Variants in TTN observed in about 807,000 individuals in gnomAD.
The protein encoded by TTN is connectin.
TTN carries 1,525 observed loss-of-function variants against 3,223.0 expected under a neutral mutation model. The observed-to-expected ratio is 0.47, with a 90% CI of 0.45 to 0.49. The LOEUF (loss-of-function observed/expected upper bound fraction) is 0.49. Ranked by LOEUF, TTN falls within the 20% of genes least tolerant of loss-of-function variation. The probability of loss-of-function intolerance (pLI) is 0.00; values close to 1 mark genes in which losing one functional copy is unlikely to be tolerated. For missense variants in TTN, 40,786 were observed against 43,424.0 expected (o/e 0.94, Z 5.40); for synonymous variants, 14,094 against 15,161.0 (o/e 0.93, Z 5.17).
At position 178,531,432 on chromosome 2, in the gene TTN, C is replaced by T. The variant is rs371075036; in HGVS notation, c.105183G>A (p.Ala35061=). Residue 35061 remains alanine (A), a synonymous_variant, in exon 358 of 363, where the codon GCG becomes GCA. Coordinates refer to ENST00000589042, the MANE Select transcript of TTN (RefSeq NM_001267550.2). ...TTTTCTTAAATGATGAAACAGCATA[C>T]GCCTCTGTTCTTGTCAGCTCAGGGA... The part of the protein sequence containing the change: ...SVFPELTRTE[A]YAVSSFKKTS... The T allele has an allele frequency of 3.1e-4, 504 of 1,613,964 alleles. No individual in the cohort carries two copies. In the African/African-American group the frequency reaches 3.4e-3, roughly 11 times the overall value.
rs200489972 is a variant in TTN at position 178,709,854 on chromosome 2, G to A, written c.28465C>T (p.Arg9489Trp). ...TTAGTGAAACTTGGTGGGATGAGCC[G>A]CTCTATAAGAAATTGCAAGGATATA... ...SCTAQLNIKE[R>W]LIPPSFTKRL... The change falls in exon 99 of 363, where the codon CGG becomes TGG. Residue 9489 changes from arginine (R) to tryptophan (W), a missense_variant and splice_region_variant. Physicochemically the swap from Arg to Trp is moderately radical, Grantham distance 101 (BLOSUM62 -3). Transcript: ENST00000589042. 6.0e-5 allele frequency: 96 copies of A among 1,607,306 alleles called. No individual in the cohort carries two copies. Among genetic ancestry groups the A allele is most frequent in the South Asian group, 2.1e-4 (19 of 90,606 alleles).
At position 178,777,435 on chromosome 2, in the gene TTN, T is replaced by C. The variant is rs72647877; in HGVS notation, c.4630A>G (p.Ile1544Val). ...NRAGRSSISV[I>V]LTVEAVEHQV... The stretch of plus-strand genomic sequence containing the variant: ...CTCATTTTACCTTCCACAGTTAAAA[T>C]CACTGAAATTGAAGATCTGCCTGCC... Residue 1544 changes from isoleucine (I) to valine (V), a missense_variant, in exon 26 of 363, where the codon ATT becomes GTT. By Grantham distance (29) the Ile-to-Val change is conservative. Transcript: ENST00000589042. 5,572 of 1,613,760 alleles carry C rather than the reference T, an allele frequency of 3.5e-3. 77 individuals are homozygous for C. In the African/African-American group the frequency reaches 0.037, roughly 11 times the overall value.
chr2:178,614,195 A>C lies in TTN; in HGVS notation c.49202T>G (p.Leu16401Arg). The change falls in exon 262 of 363, where the codon CTC (leucine) becomes CGC (arginine). Residue 16401 changes from leucine to arginine, a missense_variant. Coordinates refer to ENST00000589042, the MANE Select transcript of TTN (RefSeq NM_001267550.2). ...RATDSEVWHK[L>R]SSTVKDTNFK... is the part of the protein sequence containing the mutation. ...GTTTGTATCCTTGACGGTGGATGAG[A>C]GCTTGTGCCACACTTCACTATCAGT... 1 of 1,612,412 alleles carries C rather than the reference A, an allele frequency of 6.2e-7. No homozygotes were observed. The highest frequency in any genetic ancestry group is 8.5e-7 in the Non-Finnish European group (1 of 1,179,188).
chr2:178,611,630 T>C lies in TTN; in HGVS notation c.50599A>G (p.Lys16867Glu). 1 of 1,613,072 alleles carries C rather than the reference T, an allele frequency of 6.2e-7. No individual in the cohort carries two copies. Among genetic ancestry groups the C allele is most frequent in the Non-Finnish European group, 8.5e-7 (1 of 1,179,356 alleles). The change falls in exon 269 of 363, where the codon AAA (lysine) becomes GAA (glutamate). Residue 16867 changes from lysine to glutamate, a missense_variant. Transcript: ENST00000589042. ...LDLHVTDAGR[K>E]HIAIAWKPPE... is the part of the protein sequence containing the mutation. ...GGCTTCCAAGCAATGGCAATGTGTT[T>C]TCTCCCAGCATCAGTCACATGTAGG...
At chr2:178,683,141 G>A (rs1219363124) in intron 134 of TTN, 70 bp downstream of exon 134, 2 of 1,120,104 alleles carry the variant, frequency 1.8e-6, no homozygotes, top group Non-Finnish European at 2.7e-6. Context: ...ATAGGAGTCA[G>A]ATTGGGAACT....
chr2:178,640,504 T>C, intron 221 of TTN, 37 bp downstream of exon 221: 1 of 1,564,834 alleles, frequency 6.4e-7, no homozygotes, highest in Non-Finnish European at 8.8e-7. Context: ...CATATTTGCA[T>C]TTTTAGAGAC....
chr2:178,573,620 G>A lies in TTN; in HGVS notation c.72512C>T (p.Thr24171Ile), dbSNP rs1365291247. 2.0e-6 allele frequency: 3 copies of A among 1,499,446 alleles called. No individual in the cohort carries two copies. Among genetic ancestry groups the A allele is most frequent in the Non-Finnish European group, 2.7e-6 (3 of 1,126,774 alleles). 92.9% of individuals were successfully genotyped at this position (1,499,446 alleles called of 1,614,324 possible). A position where few individuals can be genotyped will look rare whatever the true frequency, so the allele number is the denominator to read the frequency against. The change falls in exon 326 of 363, where the codon ACA (threonine) becomes ATA (isoleucine). Residue 24171 changes from threonine to isoleucine, a missense_variant. Physicochemically the swap from Thr to Ile is moderately conservative, Grantham distance 89. Transcript: ENST00000589042. ...QKRETSRLAW[T>I]NVASEVQVTK... ...TACTTGGACTTCTGAGGCTACATTT[G>A]TCCATGCCAATCTGCTGGTTTCACG...
chr2:178,561,782 A>G lies in TTN; in HGVS notation c.84350T>C (p.Val28117Ala). The part of the protein sequence containing the change: ...QAVARTSIKI[V>A]RLTTGSEYQF... Reference sequence around the variant, plus strand: ...ATACTCACTTCCTGTTGTCAGGCGAACTATTTTAATGGATGTTCTTGCAAC... The same window carrying G: ...ATACTCACTTCCTGTTGTCAGGCGAGCTATTTTAATGGATGTTCTTGCAAC... The change falls in exon 326 of 363, where the codon GTT becomes GCT. Residue 28117 changes from valine (V) to alanine (A), a missense_variant. Physicochemically the swap from Val to Ala is moderately conservative, Grantham distance 64. Coordinates refer to ENST00000589042, the MANE Select transcript of TTN (RefSeq NM_001267550.2). The G allele has an allele frequency of 6.2e-7, 1 of 1,613,648 alleles. No individual in the cohort carries two copies. Among genetic ancestry groups the G allele is most frequent in the Non-Finnish European group, 8.5e-7 (1 of 1,179,738 alleles).
chr2:178,630,814 A>G lies in TTN; in HGVS notation c.44144T>C (p.Leu14715Pro). Residue 14715 changes from leucine (L) to proline (P), a missense_variant, in exon 238 of 363, where the codon CTC becomes CCC. Transcript: ENST00000589042. ...ANWKLKGEALLQTPDCEIKEE... is the reference protein window; with the variant it reads ...ANWKLKGEALPQTPDCEIKEE... Reference sequence around the variant, plus strand: ...CAGAAATAGCCTTACAGGTGTTTGGAGTAGGGCCTCTCCCTTGAGTTTCCA... The same window carrying G: ...CAGAAATAGCCTTACAGGTGTTTGGGGTAGGGCCTCTCCCTTGAGTTTCCA... 1.2e-6 allele frequency: 2 copies of G among 1,612,762 alleles called. No individual in the cohort carries two copies. Among genetic ancestry groups the G allele is most frequent in the Non-Finnish European group, 1.7e-6 (2 of 1,179,230 alleles).
At position 178,562,483 on chromosome 2, in the gene TTN, C is replaced by T. The variant is rs878854337; in HGVS notation, c.83649G>A (p.Lys27883=). Residue 27883 remains lysine, a synonymous_variant, in exon 326 of 363, where the codon AAG becomes AAA. Coordinates refer to ENST00000589042, the MANE Select transcript of TTN (RefSeq NM_001267550.2). ...VDVTRNTATI[K]WEKPESDGGS... is the part of the protein sequence containing the mutation. Reference sequence around the variant, plus strand: ...CACCATCACTTTCTGGTTTCTCCCACTTAATTGTAGCTGTATTACGGGTCA... The same window carrying T: ...CACCATCACTTTCTGGTTTCTCCCATTTAATTGTAGCTGTATTACGGGTCA... The T allele has an allele frequency of 6.2e-7, 1 of 1,613,344 alleles. No individual in the cohort carries two copies. The highest frequency in any genetic ancestry group is 8.5e-7 in the Non-Finnish European group (1 of 1,179,620).
chr2:178,534,358 C>G lies in TTN; in HGVS notation c.102257G>C (p.Arg34086Thr), dbSNP rs569650065. The change falls in exon 358 of 363, where the codon AGA (arginine) becomes ACA (threonine). Residue 34086 changes from arginine (R) to threonine (T), a missense_variant. Arg to Thr is a moderately conservative substitution (Grantham distance 71). Transcript: ENST00000589042. ...KIERVSTKVI[R>T]TLKHRRYYHT... ...GTAATAACGCCGGTGTTTTAATGTT[C>G]TGATAACTTTAGTACTGACTCTTTC... The G allele has an allele frequency of 5.0e-6, 8 of 1,611,726 alleles. No homozygotes were observed. In the African/African-American group the frequency reaches 9.3e-5, roughly 19 times the overall value.
chr2:178,738,616 T>C (rs1414001239), intron 48 of TTN, among the ~76,000 whole-genome samples: 6 of 152,170 alleles, frequency 3.9e-5, no homozygotes, highest in Non-Finnish European at 7.3e-5. Context: ...GCTATTGGAT[T>C]ATATGCATAA....
rs1296652744 is a variant in TTN, at chr2:178,770,426, C to T, written c.8366G>A (p.Arg2789Lys). Residue 2789 changes from arginine to lysine, a missense_variant, in exon 35 of 363, where the codon AGA (arginine) becomes AAA (lysine). Arg to Lys is a conservative substitution (Grantham distance 26). Transcript: ENST00000589042. Reference sequence around the variant, plus strand: ...AATCAACTTACTCTCCACGTGCAGTCTGGCACTGGCTCCAAGCCTTCCAAG... The same window carrying T: ...AATCAACTTACTCTCCACGTGCAGTTTGGCACTGGCTCCAAGCCTTCCAAG... ...FRLGRLGASARLHVETVKIIK... is the reference protein window; with the variant it reads ...FRLGRLGASAKLHVETVKIIK... The T allele has an allele frequency of 3.1e-6, 5 of 1,614,186 alleles. No homozygotes were observed. The highest frequency in any genetic ancestry group is 4.2e-6 in the Non-Finnish European group (5 of 1,180,024).
At position 178,741,187 on chromosome 2, in the gene TTN, T is replaced by C. The variant is rs908523887; in HGVS notation, c.12046A>G (p.Met4016Val). 4 of 1,613,398 alleles carry C rather than the reference T, an allele frequency of 2.5e-6. No individual in the cohort carries two copies. In the South Asian group the frequency reaches 4.4e-5, roughly 18 times the overall value. ...SGLYICKAEN[M>V]LGESTCAAEL... The stretch of plus-strand genomic sequence containing the variant: ...GCTGCACAGGTGGACTCACCCAACA[T>C]ATTCTCTGCTTTACAGATATAGAGG... Residue 4016 changes from methionine (M) to valine (V), a missense_variant, in exon 48 of 363, where the codon ATG becomes GTG. Physicochemically the swap from Met to Val is conservative, Grantham distance 21. Coordinates refer to ENST00000589042, the MANE Select transcript of TTN (RefSeq NM_001267550.2).
chr2:178,799,480 G>C lies in TTN; in HGVS notation c.914+7C>G, dbSNP rs1289371890. 3 of 1,614,130 alleles carry C rather than the reference G, an allele frequency of 1.9e-6. No homozygotes were observed. The highest frequency in any genetic ancestry group is 2.5e-6 in the Non-Finnish European group (3 of 1,180,018). On this transcript the variant is annotated splice_region_variant and intron_variant, in intron 6 of 362. Transcript: ENST00000589042. ...GCAATAATCTGCTCTCTCTATGGCA[G>C]CTTTACCTGACCGGAGATGGGGTCG...
In TTN at chr2:178,565,065, C is replaced by A. The variant is rs2154163928; in HGVS notation, c.81067G>T (p.Val27023Leu). 6.2e-7 allele frequency: 1 copy of A among 1,613,628 alleles called. No homozygotes were observed. Among genetic ancestry groups the A allele is most frequent in the East Asian group, 2.2e-5 (1 of 44,842 alleles). The change falls in exon 326 of 363, where the codon GTA (valine) becomes TTA (leucine). Residue 27023 changes from valine (V) to leucine (L), a missense_variant. Coordinates refer to ENST00000589042, the MANE Select transcript of TTN (RefSeq NM_001267550.2). Reference protein sequence around the residue: ...RDTTTTTWHMVSATVARTTIK... With the variant: ...RDTTTTTWHMLSATVARTTIK... Reference sequence around the variant, plus strand: ...GTTGTTCTTGCAACTGTTGCTGATACCATGTGCCAAGTGGTGGTGGTTGTA... The same window carrying A: ...GTTGTTCTTGCAACTGTTGCTGATAACATGTGCCAAGTGGTGGTGGTTGTA...
intron 150 of TTN, 91 bp from the exon 151 acceptor site, chr2:178,674,500 G>A (rs1329495991): frequency 4.0e-5 from 30 of 748,860 alleles, no homozygotes; most frequent in Admixed American, 3.1e-5. Context: ...CTCAGCCTTC[G>A]AAACGCTTGT....
intron 180 of TTN, among the ~76,000 whole-genome samples, chr2:178,660,784 C>T (rs1369635869): frequency 1.4e-4 from 22 of 152,340 alleles, no homozygotes; most frequent in East Asian, 5.8e-4. Context: ...ACTCATCTGA[C>T]GAAGGGCTAA....
At chr2:178,709,067 G>T (rs1014462191) in intron 99 of TTN, among the ~76,000 whole-genome samples, 4 of 152,000 alleles carry the variant, frequency 2.6e-5, no homozygotes, top group African/African-American at 9.7e-5. Context: ...TTACCCTTTT[G>T]TCTGGGATTA....
Sources: gnomAD v4.1 joint callset for allele counts (sites outside exome capture counted in the v4.1 genomes callset) on GRCh38, gnomAD v4.1.1 for gene constraint, MANE v1.5 for transcripts, NCBI Gene and HGNC (gene_info 2026-07-23, HGNC 2026-07-21) for gene names.